NRP2: variants seen among roughly 807,000 people sequenced by gnomAD.
NRP2 encodes the protein neuropilin-2.
In NRP2, 52 loss-of-function variants were observed where a neutral mutation model predicts 110.4. The observed-to-expected ratio is 0.47, with a 90% CI of 0.38 to 0.59. The LOEUF (loss-of-function observed/expected upper bound fraction) is 0.59, where lower values mean the gene tolerates loss of function less well. Ranked by LOEUF, NRP2 falls within the 20% of genes least tolerant of loss-of-function variation. The probability of loss-of-function intolerance (pLI) is 0.00; values close to 1 mark genes in which losing one functional copy is unlikely to be tolerated. For synonymous variants in NRP2, 508 were observed against 468.9 expected (o/e 1.08, Z -1.08); for missense variants, 1,049 against 1,203.0 (o/e 0.87, Z 1.89).
chr2:205,781,477 C>A (rs565664260), intron 15 of NRP2, among the ~76,000 whole-genome samples: 5 of 152,366 alleles, frequency 3.3e-5, no homozygotes, highest in East Asian at 1.9e-4. Flanking sequence ...CGAAACCCAG[C>A]CAAGCTGAGG....
chr2:205,711,554 C>T (rs2105780503), intron 2 of NRP2, among the ~76,000 whole-genome samples: 1 of 152,168 alleles, frequency 6.6e-6, no homozygotes, highest in African/African-American at 2.4e-5. Flanking sequence ...TGCAAAGGCC[C>T]TGGGGTTGGA....
At chr2:205,794,101 A>ATTAT (rs963871972) in intron 16 of NRP2, among the ~76,000 whole-genome samples, 34 of 152,192 alleles carry the variant, frequency 2.2e-4, no homozygotes, top group Admixed American at 1.6e-3. Flanking sequence ...TGTAAGTCAA[A>ATTAT]TTATTTATTT....
intron 4 of NRP2, among the ~76,000 whole-genome samples, chr2:205,723,536 T>G (rs1052517640): frequency 1.3e-5 from 2 of 152,228 alleles, no homozygotes; most frequent in Non-Finnish European, 2.9e-5. Flanking sequence ...CAGCTCATCT[T>G]CCAGGCCACT....
rs148987835 is a variant in NRP2 at position 205,763,256 on chromosome 2, C to T, written c.2045-418C>T. On this transcript the variant is annotated intron_variant, in intron 12 of 16. Transcript: ENST00000357785. This position sits in a 1 kb window ranked among gnomAD's most constrained non-coding sequence, Gnocchi z 4.0. Reference sequence around the variant, plus strand: ...CTAGCAGCCCCCCACCCCCTATAATCTGTCCCCTTGTAATTCAGTTCATCA... The same window carrying T: ...CTAGCAGCCCCCCACCCCCTATAATTTGTCCCCTTGTAATTCAGTTCATCA... Among the ~76,000 whole-genome samples, 23 of 152,018 alleles carry T rather than the reference C, an allele frequency of 1.5e-4. No homozygotes were observed. The highest frequency in any genetic ancestry group is 5.6e-4 in the African/African-American group (23 of 41,306).
chr2:205,688,654 G>T (rs1195452909), intron 1 of NRP2, among the ~76,000 whole-genome samples: 3 of 152,102 alleles, frequency 2.0e-5, no homozygotes, highest in African/African-American at 4.8e-5. Flanking sequence ...TTAATAAGGA[G>T]AAATTAATTT....
intron 2 of NRP2, among the ~76,000 whole-genome samples, chr2:205,699,521 A>G (rs2056507685): frequency 6.6e-6 from 1 of 152,188 alleles, no homozygotes. Flanking sequence ...TGGCTTTTGG[A>G]AGGAAAAACT....
intron 16 of NRP2, among the ~76,000 whole-genome samples, chr2:205,792,866 T>C (rs529584089): frequency 6.6e-6 from 1 of 152,308 alleles, no homozygotes; most frequent in South Asian, 2.1e-4. Context: ...TGAGCAAATA[T>C]GTAGATGTAA....
chr2:205,735,890 T>G (rs1387236657), intron 7 of NRP2, among the ~76,000 whole-genome samples: 1 of 152,240 alleles, frequency 6.6e-6, no homozygotes, highest in African/African-American at 2.4e-5. Flanking sequence ...GAAGAAATCT[T>G]TATGTTCAAC....
At chr2:205,776,733 A>T in intron 15 of NRP2, 1 of 1,467,634 alleles carries the variant, frequency 6.8e-7, no homozygotes, top group Non-Finnish European at 9.0e-7. Context: ...CTTTTTGTTG[A>T]TTCCAAACCA....
intron 2 of NRP2, among the ~76,000 whole-genome samples, chr2:205,705,948 G>A (rs1034629893): frequency 6.6e-6 from 1 of 151,698 alleles, no homozygotes; most frequent in Non-Finnish European, 1.5e-5. Flanking sequence ...AGTCACCTCC[G>A]GATGCCAGCG....
chr2:205,729,593 C>G (rs1247029008), intron 7 of NRP2, among the ~76,000 whole-genome samples: 3 of 152,178 alleles, frequency 2.0e-5, no homozygotes, highest in Non-Finnish European at 4.4e-5. Flanking sequence ...CTGATTGTCT[C>G]CCTGTCCAGG....
intron 12 of NRP2, among the ~76,000 whole-genome samples, chr2:205,757,612 G>A (rs765854388): frequency 1.3e-5 from 2 of 152,182 alleles, no homozygotes; most frequent in African/African-American, 2.4e-5. Flanking sequence ...GGGACCGATG[G>A]CAGCAAACAA....
intron 13 of NRP2, 123 bp from the exon 14 acceptor site, chr2:205,765,351 C>CAT: frequency 1.8e-6 from 1 of 548,602 alleles, no homozygotes; most frequent in Non-Finnish European, 3.4e-6. Context: ...GGTGCAATAA[C>CAT]ACACACACAC....
At chr2:205,719,499 AC>A (rs1474491507) in intron 3 of NRP2, among the ~76,000 whole-genome samples, 1 of 152,206 alleles carries the variant, frequency 6.6e-6, no homozygotes, top group Non-Finnish European at 1.5e-5. Flanking sequence ...GAATTTTTAA[AC>A]GTAAAATGTC....
intron 7 of NRP2, among the ~76,000 whole-genome samples, chr2:205,736,796 T>C (rs2057351091): frequency 6.6e-6 from 1 of 152,308 alleles, no homozygotes; most frequent in South Asian, 2.1e-4. Flanking sequence ...TCATTTCCCA[T>C]GCACACAACC....
chr2:205,746,494 GT>G (rs2057541343), intron 10 of NRP2, among the ~76,000 whole-genome samples: 1 of 152,194 alleles, frequency 6.6e-6, no homozygotes, highest in African/African-American at 2.4e-5. Flanking sequence ...AGCCTTCCTG[GT>G]TTCCGAGGGA....
chr2:205,696,295 CAA>C (rs1462545620), intron 1 of NRP2, among the ~76,000 whole-genome samples: 1 of 152,128 alleles, frequency 6.6e-6, no homozygotes, highest in African/African-American at 2.4e-5. Context: ...CCTGTTCCCT[CAA>C]AGAGTGAACA....
chr2:205,697,620 C>G lies in NRP2; in HGVS notation c.150C>G (p.Pro50=), dbSNP rs770083351. The G allele has an allele frequency of 3.7e-6, 6 of 1,614,026 alleles. No homozygotes were observed. The Admixed American group carries it at 1.0e-4, about 27-fold the overall frequency. ...ITSPGYPQDY[P]SHQNCEWIVY... is the part of the protein sequence containing the mutation. ...CTCCCGGTTACCCCCAGGACTACCCCTCCCACCAGAACTGCGAGTGGATTG... is the reference window on the plus strand; with the variant it reads ...CTCCCGGTTACCCCCAGGACTACCCGTCCCACCAGAACTGCGAGTGGATTG... Residue 50 remains proline, a synonymous_variant, in exon 2 of 17, where the codon CCC becomes CCG. Transcript: ENST00000357785.
At chr2:205,732,038 C>G (rs1042421671) in intron 7 of NRP2, among the ~76,000 whole-genome samples, 3 of 152,236 alleles carry the variant, frequency 2.0e-5, no homozygotes, top group Admixed American at 2.0e-4. Context: ...CAGACTGGCG[C>G]TCTCCACAAT....
Sources: allele counts gnomAD v4.1 joint callset (sites outside exome capture counted in the v4.1 genomes callset), GRCh38; gene constraint gnomAD v4.1.1; non-coding constraint Gnocchi (gnomAD v3.1); transcripts MANE v1.5; gene names NCBI Gene and HGNC (gene_info 2026-07-23, HGNC 2026-07-21).